PLXNA4: variants seen among roughly 807,000 people sequenced by gnomAD.
PLXNA4 encodes plexin A4, also known as plexin-A4.
In PLXNA4, 44 loss-of-function variants were observed where a neutral mutation model predicts 191.8. The observed-to-expected ratio is 0.23, with a 90% CI of 0.18 to 0.29. The LOEUF is 0.29. PLXNA4 is among the 10% of genes least tolerant of loss of function. PLXNA4 has a pLI of 1.00. For synonymous variants in PLXNA4, 1,082 were observed against 1,009.5 expected (o/e 1.07, Z -1.36); for missense variants, 1,800 against 2,488.8 (o/e 0.72, Z 5.89).
rs201545343 is a variant in PLXNA4 at position 132,507,736 on chromosome 7, C to T, written c.958G>A (p.Ala320Thr). ...ACTCCAAGGGTCCTGCCAAGCACGG[C>T]CCCCGCTTTGGACAGGTAGGCAGCC... Reference protein sequence around the residue: ...LQAAYLSKAGAVLGRTLGVHP... With the variant: ...LQAAYLSKAGTVLGRTLGVHP... The change falls in exon 2 of 32, where the codon GCC becomes ACC. Residue 320 changes from alanine to threonine, a missense_variant. By Grantham distance (58) the Ala-to-Thr change is moderately conservative. Transcript: ENST00000321063. The T allele has an allele frequency of 1.5e-5, 25 of 1,614,158 alleles. No individual in the cohort carries two copies. In the East Asian group the frequency reaches 1.8e-4, roughly 12 times the overall value.
chr7:132,129,769 CG>C lies in PLXNA4; in HGVS notation c.*709del, dbSNP rs1398833547. The C allele has an allele frequency of 6.6e-6, 1 of 152,570 alleles. No individual in the cohort carries two copies. Among genetic ancestry groups the C allele is most frequent in the African/African-American group, 2.4e-5 (1 of 41,410 alleles). The allele number at this position is 152,570 out of a possible 1,614,324, so 9.5% of individuals were successfully genotyped here. On this transcript the variant is annotated 3_prime_UTR_variant, in exon 32 of 32. Coordinates refer to ENST00000321063, the MANE Select transcript of PLXNA4 (RefSeq NM_020911.2). Reference sequence around the variant, plus strand: ...TTTCTCCTGCCTGGCTTTCTACTGGCGGGGGAGCAGGCAGGGCAGGCAGGTC... The same window carrying C: ...TTTCTCCTGCCTGGCTTTCTACTGGCGGGGAGCAGGCAGGGCAGGCAGGTC...
At chr7:132,427,870 C>T (rs2021414) in intron 3 of PLXNA4, among the ~76,000 whole-genome samples, 10,494 of 152,280 alleles carry the variant, frequency 0.069, 1,201 homozygotes, top group African/African-American at 0.24. Context: ...TGACCATCTC[C>T]CCGCCTCAGG....
intron 3 of PLXNA4, among the ~76,000 whole-genome samples, chr7:132,377,778 G>A (rs1425650890): frequency 6.6e-6 from 1 of 152,184 alleles, no homozygotes; most frequent in Non-Finnish European, 1.5e-5. Flanking sequence ...GGAAGGTATG[G>A]CCAGGGGTAA....
Position 132,198,620 on chromosome 7 carries a change from C to A in PLXNA4, c.2603G>T (p.Gly868Val). The A allele has an allele frequency of 6.2e-7, 1 of 1,614,134 alleles. No homozygotes were observed. The highest frequency in any genetic ancestry group is 8.5e-7 in the Non-Finnish European group (1 of 1,180,020). The change falls in exon 13 of 32, where the codon GGC becomes GTC. Residue 868 changes from glycine (G) to valine (V), a missense_variant. This residue lies in a region of PLXNA4 where 1,397 missense variants were observed against 1,880.4 expected (regional missense o/e 0.74). Coordinates refer to ENST00000321063, the MANE Select transcript of PLXNA4 (RefSeq NM_020911.2). The part of the protein sequence containing the change: ...PRITEIIPVT[G>V]PREGGTKVTI... ...GACCTTGGTGCCCCCTTCCCGGGGG[C>A]CTGTCACCGGGATTATCTGGAGGGA...
chr7:132,563,532 T>C (rs1040919402), intron 1 of PLXNA4, among the ~76,000 whole-genome samples: 93 of 31,074 alleles, frequency 3.0e-3, no homozygotes, highest in Non-Finnish European at 3.5e-3. Flanking sequence ...CCTCCTCCTC[T>C]TTCTCCTCCT....
intron 4 of PLXNA4, among the ~76,000 whole-genome samples, chr7:132,290,779 T>G (rs1270380538): frequency 6.6e-6 from 1 of 152,052 alleles, no homozygotes; most frequent in Non-Finnish European, 1.5e-5. Context: ...AAAATGACAC[T>G]GACACTTAAC....
chr7:132,627,606 G>C (rs1209119713), intron 2 of PLXNA4, among the ~76,000 whole-genome samples: 1 of 152,146 alleles, frequency 6.6e-6, no homozygotes, highest in African/African-American at 2.4e-5. Context: ...ATTAGGTCAC[G>C]AGGGCTCCAC....
chr7:132,484,886 T>C lies in PLXNA4; in HGVS notation c.1371+4406A>G, dbSNP rs1025651648. 3.7e-6 allele frequency: 6 copies of C among 1,614,206 alleles called. No individual in the cohort carries two copies. The highest frequency in any genetic ancestry group is 1.3e-5 in the African/African-American group (1 of 75,056). On this transcript the variant is annotated intron_variant, in intron 3 of 31. Coordinates refer to ENST00000321063, the MANE Select transcript of PLXNA4 (RefSeq NM_020911.2). The stretch of plus-strand genomic sequence containing the variant: ...CTGGACTCTCTGATCTGATATTGCT[T>C]TGTGACTTGAGCACTGAAGATACAC...
chr7:132,522,087 A>T (rs1409498829), intron 1 of PLXNA4, among the ~76,000 whole-genome samples: 1 of 152,172 alleles, frequency 6.6e-6, no homozygotes, highest in Non-Finnish European at 1.5e-5. Flanking sequence ...ATCCACTGCA[A>T]GACCCAGGAG....
At chr7:132,389,012 A>T (rs1023107370) in intron 3 of PLXNA4, among the ~76,000 whole-genome samples, 2 of 152,240 alleles carry the variant, frequency 1.3e-5, no homozygotes, top group African/African-American at 4.8e-5. Context: ...GGCCCCACTG[A>T]TGACCAGTGA....
intron 22 of PLXNA4, among the ~76,000 whole-genome samples, chr7:132,167,498 G>T (rs1796156394): frequency 6.6e-6 from 1 of 152,078 alleles, no homozygotes; most frequent in Admixed American, 6.6e-5. Context: ...GATTCAGCGG[G>T]TCTGGGAGGG....
Position 132,130,201 on chromosome 7 carries a change from C to G in PLXNA4, c.*278G>C. 1 of 397,352 alleles carries G rather than the reference C, an allele frequency of 2.5e-6. No individual in the cohort carries two copies. Among genetic ancestry groups the G allele is most frequent in the Non-Finnish European group, 4.7e-6 (1 of 214,042 alleles). 24.6% of individuals were successfully genotyped at this position (397,352 alleles called of 1,614,324 possible). On this transcript the variant is annotated 3_prime_UTR_variant, in exon 32 of 32. Transcript: ENST00000321063. ...GAGCACCTGGGAGACAGAGGCCTCT[C>G]TGACATCTTCTGGTCAGCTCCCTTG...
In PLXNA4 at chr7:132,144,203, G is replaced by C. The variant is rs76927409; in HGVS notation, c.5225+916C>G. On this transcript the variant is annotated intron_variant, in intron 29 of 31. Coordinates refer to ENST00000321063, the MANE Select transcript of PLXNA4 (RefSeq NM_020911.2). ...AGGGAGGCAGTTCTGGAAGCAATGG[G>C]ACAAAGGATAAGCCAGCTTTGCCTC... Among the ~76,000 whole-genome samples the C allele has an allele frequency of 3.2e-3, 483 of 152,272 alleles. 6 individuals carry two copies. The highest frequency in any genetic ancestry group is 0.011 in the African/African-American group (462 of 41,548).
intron 3 of PLXNA4, among the ~76,000 whole-genome samples, chr7:132,363,668 G>C (rs1447576656): frequency 1.3e-5 from 2 of 152,220 alleles, no homozygotes; most frequent in Non-Finnish European, 2.9e-5. Context: ...TTGTACATCT[G>C]TTTGAGCTCC....
At chr7:132,329,870 A>G (rs1482441871) in intron 3 of PLXNA4, among the ~76,000 whole-genome samples, 1 of 152,120 alleles carries the variant, frequency 6.6e-6, no homozygotes, top group East Asian at 1.9e-4. Context: ...CATGATGAAG[A>G]TCTTCTGGTT....
intron 4 of PLXNA4, among the ~76,000 whole-genome samples, chr7:132,291,175 C>G (rs1800877496): frequency 6.6e-6 from 1 of 152,170 alleles, no homozygotes; most frequent in African/African-American, 2.4e-5. Context: ...CGTCTCTGGC[C>G]TCTGTGCTTG....
chr7:132,613,979 A>G, intron 2 of PLXNA4, among the ~76,000 whole-genome samples: 1 of 152,146 alleles, frequency 6.6e-6, no homozygotes. Flanking sequence ...GCATAGGTGG[A>G]AGATGGGGAG....
At chr7:132,404,907 C>G (rs1563080331) in intron 3 of PLXNA4, among the ~76,000 whole-genome samples, 1 of 152,096 alleles carries the variant, frequency 6.6e-6, no homozygotes, top group Non-Finnish European at 1.5e-5. Flanking sequence ...GGGTGGGGTA[C>G]TACTGCCTTC....
At chr7:132,408,455 T>TATTTATTTATTTA (rs1794313684) in intron 3 of PLXNA4, among the ~76,000 whole-genome samples, 1 of 151,658 alleles carries the variant, frequency 6.6e-6, no homozygotes, top group Admixed American at 6.6e-5. Flanking sequence ...ACACTTTATT[T>TATTTATTTATTTA]ATTTATTTAT....
Sources: allele counts gnomAD v4.1 joint callset (sites outside exome capture counted in the v4.1 genomes callset), GRCh38; gene constraint gnomAD v4.1.1; regional missense constraint gnomAD v4.1.1; transcripts MANE v1.5; gene names NCBI Gene and HGNC (gene_info 2026-07-23, HGNC 2026-07-21).